PDE10A: variants seen among roughly 807,000 people sequenced by gnomAD.
The protein encoded by PDE10A is phosphodiesterase 10A.
PDE10A carries 39 observed loss-of-function variants against 97.7 expected under a neutral mutation model. The observed-to-expected ratio is 0.40, with a 90% CI of 0.31 to 0.52. The LOEUF (loss-of-function observed/expected upper bound fraction) is 0.52. Among genes scored for constraint, PDE10A ranks in the 20% least tolerant of loss-of-function variants. The pLI, the probability that PDE10A is intolerant of heterozygous loss-of-function variation, is 0.56. For missense variants in PDE10A, 731 were observed against 1,047.8 expected (o/e 0.70, Z 4.17); for synonymous variants, 371 against 376.8 (o/e 0.98, Z 0.18).
At chr6:165,455,719 T>C (rs553016721) in intron 3 of PDE10A, among the ~76,000 whole-genome samples, 143 of 152,316 alleles carry the variant, frequency 9.4e-4, no homozygotes, top group African/African-American at 3.3e-3. Flanking sequence ...GTGCCTAACA[T>C]TTCTAAGGGC....
chr6:165,557,821 GA>G (rs1354709473), intron 1 of PDE10A, among the ~76,000 whole-genome samples: 4 of 152,098 alleles, frequency 2.6e-5, no homozygotes, highest in African/African-American at 4.8e-5. Context: ...ATGAATAAGG[GA>G]ACTCAAAAAA....
intron 1 of PDE10A, among the ~76,000 whole-genome samples, chr6:165,691,202 C>CA (rs879670588): frequency 0.63 from 64,690 of 103,120 alleles, 19,873 homozygotes; most frequent in African/African-American, 0.67. Flanking sequence ...TCTCTCTCTC[C>CA]CCACACACAC....
At chr6:165,436,675 A>C (rs1790042751) in intron 5 of PDE10A, among the ~76,000 whole-genome samples, 1 of 152,198 alleles carries the variant, frequency 6.6e-6, no homozygotes, top group Non-Finnish European at 1.5e-5. Flanking sequence ...TAATATGTTT[A>C]AATAGAAAGT....
chr6:165,703,860 C>T (rs1342779560), intron 1 of PDE10A, among the ~76,000 whole-genome samples: 2 of 152,166 alleles, frequency 1.3e-5, no homozygotes, highest in South Asian at 4.1e-4. Context: ...AAATCCTTTG[C>T]GAGTCTCCAC....
At chr6:165,913,788 A>G (rs1782531603) in intron 1 of PDE10A, among the ~76,000 whole-genome samples, 1 of 152,234 alleles carries the variant, frequency 6.6e-6, no homozygotes, top group African/African-American at 2.4e-5. Context: ...TAAAAGAACT[A>G]TAGCAAAGAC....
At chr6:165,872,754 A>C (rs1267151408) in intron 1 of PDE10A, among the ~76,000 whole-genome samples, 3 of 152,218 alleles carry the variant, frequency 2.0e-5, no homozygotes, top group Non-Finnish European at 4.4e-5. Context: ...AAACCCCGCA[A>C]ATACTCAAAG....
intron 17 of PDE10A, among the ~76,000 whole-genome samples, chr6:165,385,176 G>A (rs866017766): frequency 6.6e-6 from 1 of 152,044 alleles, no homozygotes; most frequent in African/African-American, 2.4e-5. Flanking sequence ...AGCAGGACTT[G>A]GTGGTAACAG....
At chr6:165,728,592 T>C (rs1792354064) in intron 1 of PDE10A, among the ~76,000 whole-genome samples, 2 of 152,118 alleles carry the variant, frequency 1.3e-5, no homozygotes, top group Admixed American at 1.3e-4. Context: ...ATCAGAAGAA[T>C]TGGGAGAGTG....
chr6:165,793,727 G>A (rs183840084), intron 1 of PDE10A, among the ~76,000 whole-genome samples: 2 of 152,318 alleles, frequency 1.3e-5, no homozygotes, highest in African/African-American at 4.8e-5. Flanking sequence ...ACACACAGGG[G>A]CTGGCATTGC....
intron 1 of PDE10A, among the ~76,000 whole-genome samples, chr6:165,823,448 C>T (rs1474824877): frequency 8.2e-6 from 1 of 122,394 alleles, no homozygotes; most frequent in Non-Finnish European, 1.6e-5. Flanking sequence ...ATGCATTCTT[C>T]TGGATACCGC....
At chr6:165,943,352 GA>G (rs1461850396) in intron 1 of PDE10A, among the ~76,000 whole-genome samples, 1 of 149,086 alleles carries the variant, frequency 6.7e-6, no homozygotes, top group Admixed American at 6.6e-5. Context: ...AAAAGAGAAA[GA>G]AAGAAAGAGA....
At chr6:165,528,019 A>G (rs1782552939) in intron 2 of PDE10A, among the ~76,000 whole-genome samples, 1 of 152,208 alleles carries the variant, frequency 6.6e-6, no homozygotes, top group Admixed American at 6.5e-5. Context: ...CAAAACTTTG[A>G]GCAGTGCACC....
intron 3 of PDE10A, among the ~76,000 whole-genome samples, chr6:165,451,687 G>C (rs1245067963): frequency 3.3e-5 from 5 of 152,158 alleles, no homozygotes; most frequent in Non-Finnish European, 7.3e-5. Flanking sequence ...TCTGTTGAAT[G>C]AACAAGTAAG....
chr6:165,758,563 G>A (rs1189846832), intron 1 of PDE10A, among the ~76,000 whole-genome samples: 7 of 146,102 alleles, frequency 4.8e-5, no homozygotes, highest in Non-Finnish European at 9.2e-5. Flanking sequence ...AAGAGGAAGA[G>A]GAAGAAGAAG....
intron 1 of PDE10A, among the ~76,000 whole-genome samples, chr6:165,839,124 C>T (rs1780144584): frequency 6.6e-6 from 1 of 152,246 alleles, no homozygotes; most frequent in Non-Finnish European, 1.5e-5. Flanking sequence ...GTACGCCAAA[C>T]TCTATCACTA....
chr6:165,476,037 A>T (rs1779275862), intron 3 of PDE10A, among the ~76,000 whole-genome samples: 1 of 152,188 alleles, frequency 6.6e-6, no homozygotes, highest in Admixed American at 6.5e-5. Flanking sequence ...GATGCTAAGG[A>T]CATTTACATG....
At position 165,328,158 on chromosome 6, in the gene PDE10A, T is replaced by G. The variant is rs895387786; in HGVS notation, c.*4867A>C. The G allele has an allele frequency of 6.6e-6, 1 of 152,182 alleles. No individual in the cohort carries two copies. The highest frequency in any genetic ancestry group is 1.5e-5 in the Non-Finnish European group (1 of 68,042). 9.4% of individuals were successfully genotyped at this position (152,182 alleles called of 1,614,324 possible). On this transcript the variant is annotated 3_prime_UTR_variant, in exon 22 of 22. Transcript: ENST00000539869. ...TTACACTCTGAACTTGCACACGAAA[T>G]GAACACATAGCATATACACCATACA...
At chr6:165,651,788 G>A (rs1340651722) in intron 1 of PDE10A, among the ~76,000 whole-genome samples, 1 of 151,878 alleles carries the variant, frequency 6.6e-6, no homozygotes, top group Non-Finnish European at 1.5e-5. Context: ...ACCTATATAT[G>A]TACATATGTA....
At chr6:165,877,027 A>G (rs1446755928) in intron 1 of PDE10A, among the ~76,000 whole-genome samples, 1 of 152,242 alleles carries the variant, frequency 6.6e-6, no homozygotes, top group African/African-American at 2.4e-5. Flanking sequence ...CATTTAGAGC[A>G]CTAATAACCT....
Sources: gnomAD v4.1 joint callset for allele counts (sites outside exome capture counted in the v4.1 genomes callset) on GRCh38, gnomAD v4.1.1 for gene constraint, MANE v1.5 for transcripts, NCBI Gene and HGNC (gene_info 2026-07-23, HGNC 2026-07-21) for gene names.